CCDC88B: variants seen among roughly 807,000 people sequenced by gnomAD.
CCDC88B encodes coiled-coil domain-containing protein 88B.
Under a neutral mutation model 183.7 loss-of-function variants are expected in CCDC88B, and 138 were observed. That is an observed-to-expected ratio of 0.75 (90% CI 0.65 to 0.87). CCDC88B has a LOEUF of 0.87. CCDC88B is among the 40% of genes least tolerant of loss of function. The probability of loss-of-function intolerance (pLI) is 0.00; values close to 1 mark genes in which losing one functional copy is unlikely to be tolerated. For synonymous variants in CCDC88B, 835 were observed against 867.5 expected, an observed-to-expected ratio of 0.96 and a Z score of 0.66; for missense variants, 1,822 against 1,965.6, an observed-to-expected ratio of 0.93 and a Z score of 1.38.
At chr11:64,352,947 G>T (rs2036398816) in intron 20 of CCDC88B, 60 bp downstream of exon 20, 2 of 1,512,572 alleles carry the variant, frequency 1.3e-6, no homozygotes, top group South Asian at 1.3e-5. Flanking sequence ...AAGTGGGTTG[G>T]GGGTGTGGGG....
At position 64,353,448 on chromosome 11, in the gene CCDC88B, G is replaced by A. The variant is rs1447964046; in HGVS notation, c.3785G>A (p.Arg1262His). 5.0e-6 allele frequency: 8 copies of A among 1,612,862 alleles called. No individual in the cohort carries two copies. Among genetic ancestry groups the A allele is most frequent in the Middle Eastern group, 1.8e-4 (1 of 5,634 alleles). The stretch of plus-strand genomic sequence containing the variant: ...CGGGAGAACAGGGAGCTCCTGGAGC[G>A]CAGCCTGGAGAGTCGGGACCACCTG... ...LSRENRELLE[R>H]SLESRDHLHR... is the part of the protein sequence containing the mutation. The change falls in exon 22 of 27, where the codon CGC becomes CAC. Residue 1262 changes from arginine to histidine, a missense_variant. Arg to His is a conservative substitution (Grantham distance 29). Coordinates refer to ENST00000356786, the MANE Select transcript of CCDC88B (RefSeq NM_032251.6).
chr11:64,342,728 G>A (rs768148293), intron 10 of CCDC88B, 48 bp downstream of exon 10: 66 of 1,443,148 alleles, frequency 4.6e-5, no homozygotes, highest in Non-Finnish European at 5.5e-5. Context: ...GAGGGGGCGG[G>A]CCAGGAGGAG....
At chr11:64,340,879 G>T (rs967671316) in intron 2 of CCDC88B, 28 bp from the exon 3 acceptor site, 6 of 1,536,626 alleles carry the variant, frequency 3.9e-6, no homozygotes, top group Non-Finnish European at 5.3e-6. Flanking sequence ...ACGGGAGGCG[G>T]GTCCTCGAGC....
Position 64,353,333 on chromosome 11 carries a change from A to G in CCDC88B, c.3688-18A>G. On this transcript the variant is annotated intron_variant, in intron 21 of 26. Coordinates refer to ENST00000356786, the MANE Select transcript of CCDC88B (RefSeq NM_032251.6). ...TGAGCTGGGTCCCACCCTCCGAGCC[A>G]TGGTGCCCCCCTGCCAGCTATTGAC... 1.9e-6 allele frequency: 3 copies of G among 1,612,020 alleles called. No individual in the cohort carries two copies. Among genetic ancestry groups the G allele is most frequent in the East Asian group, 2.2e-5 (1 of 44,856 alleles).
chr11:64,343,132 G>A, intron 10 of CCDC88B, 47 bp from the exon 11 acceptor site: 1 of 1,487,252 alleles, frequency 6.7e-7, no homozygotes, highest in Non-Finnish European at 9.0e-7. Context: ...AGGCGCTGGA[G>A]TGCATGGGGG....
At chr11:64,356,218 C>G (rs534030787) in intron 26 of CCDC88B, 1 of 151,900 alleles carries the variant, frequency 6.6e-6, no homozygotes, top group East Asian at 2.0e-4. Flanking sequence ...AGGCTGGTCT[C>G]GAACTCCTGA....
chr11:64,343,519 C>T lies in CCDC88B; in HGVS notation c.1222C>T (p.Leu408=). Residue 408 remains leucine, a synonymous_variant, in exon 12 of 27, where the codon CTG becomes TTG. Transcript: ENST00000356786. ...CCCTCACCCCCAGGAGCTGGACTCT[C>T]TGCGGCATCAGGTGGACCAGCTGGC... ...LGEAHAELDS[L]RHQVDQLAEE... The T allele has an allele frequency of 1.3e-6, 2 of 1,551,818 alleles. No homozygotes were observed. The highest frequency in any genetic ancestry group is 1.7e-6 in the Non-Finnish European group (2 of 1,147,018).
chr11:64,357,090 A>G lies in CCDC88B; in HGVS notation c.4427A>G (p.Gln1476Arg). 2 of 1,612,862 alleles carry G rather than the reference A, an allele frequency of 1.2e-6. No homozygotes were observed. The highest frequency in any genetic ancestry group is 1.7e-4 in the Middle Eastern group (1 of 6,050). ...EKRPLTPSLS[Q>R] is the part of the protein sequence containing the mutation. ...CGTCCCCTCACCCCATCCCTCAGCC[A>G]GTGACACCGTGGGAACAGCAGGCTT... is the stretch of plus-strand genomic sequence containing the variant. Residue 1476 changes from glutamine to arginine, a missense_variant, in exon 27 of 27, where the codon CAG (glutamine) becomes CGG (arginine). Coordinates refer to ENST00000356786, the MANE Select transcript of CCDC88B (RefSeq NM_032251.6).
At chr11:64,347,865 A>G (rs1021519309) in intron 14 of CCDC88B, among the ~76,000 whole-genome samples, 1 of 152,250 alleles carries the variant, frequency 6.6e-6, no homozygotes, top group African/African-American at 2.4e-5. Flanking sequence ...AGCCTGGCCA[A>G]CATGGCAAAA....
chr11:64,342,779 G>A, intron 10 of CCDC88B, 99 bp downstream of exon 10: 10 of 1,342,940 alleles, frequency 7.4e-6, no homozygotes, highest in Non-Finnish European at 9.8e-6. Flanking sequence ...CAGGTTCTCT[G>A]GAGGGGACAG....
In CCDC88B at chr11:64,344,363, C is replaced by G. The variant is rs2036012297; in HGVS notation, c.1822C>G (p.Gln608Glu). The change falls in exon 14 of 27, where the codon CAG (glutamine) becomes GAG (glutamate). Residue 608 changes from glutamine to glutamate, a missense_variant. By Grantham distance (29) the Gln-to-Glu change is conservative. Transcript: ENST00000356786. This position sits in a 1 kb window ranked among gnomAD's most constrained non-coding sequence, Gnocchi z 4.5. ...GAGCCCTGCCTCTGTGGCCCCACCT[C>G]AGGGTCCAGGGACCAAAATTCAGGC... ...LQSPASVAPP[Q>E]GPGTKIQAPQ... 2 of 1,589,562 alleles carry G rather than the reference C, an allele frequency of 1.3e-6. No individual in the cohort carries two copies. The highest frequency in any genetic ancestry group is 8.6e-7 in the Non-Finnish European group (1 of 1,169,304).
At position 64,342,633 on chromosome 11, in the gene CCDC88B, T is replaced by A. The variant is rs1039371582; in HGVS notation, c.1015T>A (p.Cys339Ser). 6 of 1,524,908 alleles carry A rather than the reference T, an allele frequency of 3.9e-6. No homozygotes were observed. In the African/African-American group the frequency reaches 5.5e-5, roughly 14 times the overall value. The allele number at this position is 1,524,908 out of a possible 1,614,324, so 94.5% of individuals were successfully genotyped here. A position where few individuals can be genotyped will look rare whatever the true frequency, so the allele number is the denominator to read the frequency against. Residue 339 changes from cysteine (C) to serine (S), a missense_variant, in exon 10 of 27, where the codon TGC becomes AGC. Physicochemically the swap from Cys to Ser is moderately radical, Grantham distance 112. Coordinates refer to ENST00000356786, the MANE Select transcript of CCDC88B (RefSeq NM_032251.6). The part of the protein sequence containing the change: ...LPRLQEELRR[C>S]RERLQAAEAY... ...CCGCCTGCAGGAGGAGCTGAGGCGC[T>A]GCCGCGAGCGGCTGCAGGCGGCTGA...
intron 14 of CCDC88B, 36 bp from the exon 15 acceptor site, chr11:64,349,295 G>A: frequency 6.5e-7 from 1 of 1,541,200 alleles, no homozygotes; most frequent in South Asian, 1.2e-5. Context: ...GCTGTCTCCT[G>A]CCCCCTTGCC....
Position 64,344,372 on chromosome 11 carries a change from G to GGT in CCDC88B, c.1832_1833insTG (p.Thr612GlyfsTer31), listed in dbSNP as rs1565397858. The GGT allele has an allele frequency of 2.5e-6, 4 of 1,585,894 alleles. No homozygotes were observed. The East Asian group carries it at 9.0e-5, about 36-fold the overall frequency. On this transcript the variant is annotated frameshift_variant, in exon 14 of 27. Transcript: ENST00000356786. LOFTEE classifies it high-confidence loss of function. The surrounding 1 kb of genome is among the most constrained non-coding windows in gnomAD (Gnocchi z 4.5). ...CTCTGTGGCCCCACCTCAGGGTCCA[G>GGT]GGACCAAAATTCAGGCCCCGCAGTT...
rs1412544652 is a variant in CCDC88B at position 64,342,117 on chromosome 11, C to A, written c.799C>A (p.Leu267Met). 5.0e-6 allele frequency: 8 copies of A among 1,609,256 alleles called. No individual in the cohort carries two copies. Among genetic ancestry groups the A allele is most frequent in the Middle Eastern group, 1.7e-4 (1 of 5,862 alleles). The change falls in exon 8 of 27, where the codon CTG becomes ATG. Residue 267 changes from leucine to methionine, a missense_variant. Coordinates refer to ENST00000356786, the MANE Select transcript of CCDC88B (RefSeq NM_032251.6). ...ALQLANAKAQLRRLRQELEEK... is the reference protein window; with the variant it reads ...ALQLANAKAQMRRLRQELEEK... ...GCAGCTGGCCAACGCCAAGGCTCAG[C>A]TGCGGCGTCTGCGGCAGGAGCTGTG...
chr11:64,352,898 T>C lies in CCDC88B; in HGVS notation c.3500+11T>C, dbSNP rs1734748313. On this transcript the variant is annotated intron_variant, in intron 20 of 26. Coordinates refer to ENST00000356786, the MANE Select transcript of CCDC88B (RefSeq NM_032251.6). ...GAGCGAGCACGACAGGTGCCGCCCC[T>C]GCCACAGCCTCTAGCAGCTCTCAGT... The C allele has an allele frequency of 1.3e-6, 2 of 1,568,494 alleles. No homozygotes were observed. The highest frequency in any genetic ancestry group is 1.7e-6 in the Non-Finnish European group (2 of 1,158,324).
rs2036031996 is a variant in CCDC88B, at chr11:64,344,770, C to T, written c.2229C>T (p.Ala743=). ...EVAQLRRKAE[A]LGDELEAQAR... ...CACAGTTGAGGAGAAAGGCTGAGGC[C>T]CTTGGAGATGAGCTGGAAGCCCAGG... Residue 743 remains alanine, a synonymous_variant, in exon 14 of 27, where the codon GCC becomes GCT. Coordinates refer to ENST00000356786, the MANE Select transcript of CCDC88B (RefSeq NM_032251.6). This position sits in a 1 kb window ranked among gnomAD's most constrained non-coding sequence, Gnocchi z 4.5. 3 of 1,613,814 alleles carry T rather than the reference C, an allele frequency of 1.9e-6. No homozygotes were observed. The highest frequency in any genetic ancestry group is 1.7e-5 in the Admixed American group (1 of 60,004).
chr11:64,342,250 G>A (rs1457429287), intron 8 of CCDC88B, 44 bp from the exon 9 acceptor site: 2 of 1,574,536 alleles, frequency 1.3e-6, no homozygotes, highest in Non-Finnish European at 1.7e-6. Context: ...AAGGGCTGGG[G>A]GTTGTGGGCC....
rs1205025615 is a variant in CCDC88B at position 64,352,875 on chromosome 11, G to A, written c.3488G>A (p.Ser1163Asn). The A allele has an allele frequency of 1.3e-6, 2 of 1,597,560 alleles. No individual in the cohort carries two copies. The highest frequency in any genetic ancestry group is 1.7e-6 in the Non-Finnish European group (2 of 1,173,446). ...GLEEELRRLQ[S>N]EHDRAQMLLA... is the part of the protein sequence containing the mutation. The stretch of plus-strand genomic sequence containing the variant: ...GAGGAGGAGCTGCGGAGGCTTCAGA[G>A]CGAGCACGACAGGTGCCGCCCCTGC... Residue 1163 changes from serine (S) to asparagine (N), a missense_variant, in exon 20 of 27, where the codon AGC (serine) becomes AAC (asparagine). Physicochemically the swap from Ser to Asn is conservative, Grantham distance 46 (BLOSUM62 1). Transcript: ENST00000356786.
Sources: gnomAD v4.1 joint callset for allele counts (sites outside exome capture counted in the v4.1 genomes callset) on GRCh38, gnomAD v4.1.1 for gene constraint, Gnocchi (gnomAD v3.1) non-coding constraint, MANE v1.5 for transcripts, NCBI Gene and HGNC (gene_info 2026-07-23, HGNC 2026-07-21) for gene names.